Variants in PUS7L observed in about 807,000 individuals in gnomAD.
PUS7L encodes the protein pseudouridine synthase 7 like, also known as pseudouridylate synthase PUS7L.
Under a neutral mutation model 51.1 loss-of-function variants are expected in PUS7L, and 49 were observed. The ratio of observed to expected loss-of-function variants is 0.96; its 90% CI spans 0.76 to 1.22. The LOEUF is 1.22. PUS7L is among the 50% of genes most tolerant of loss of function. PUS7L has a pLI of 0.00. For missense variants in PUS7L, 828 were observed against 820.6 expected, an observed-to-expected ratio of 1.01 and a Z score of -0.11; for synonymous variants, 277 against 276.2, an observed-to-expected ratio of 1.00 and a Z score of -0.03.
chr12:43,754,344 A>G lies in PUS7L; in HGVS notation c.902T>C (p.Ile301Thr). 5.0e-6 allele frequency: 8 copies of G among 1,585,682 alleles called. No individual in the cohort carries two copies. Among genetic ancestry groups the G allele is most frequent in the Non-Finnish European group, 6.9e-6 (8 of 1,167,174 alleles). The part of the protein sequence containing the change: ...PLSECQEGKV[I>T]YTAFTLRKEN... ...ATGATTTATTAAATTACCTGTATAT[A>G]TAACTTTTCCTTCTTGGCATTCAGA... Residue 301 changes from isoleucine (I) to threonine (T), a missense_variant, in exon 2 of 9, where the codon ATA becomes ACA. Ile to Thr is a moderately conservative substitution (Grantham distance 89). Coordinates refer to ENST00000344862, the MANE Select transcript of PUS7L (RefSeq NM_031292.5).
At chr12:43,748,860 A>G (rs1326975990) in intron 2 of PUS7L, among the ~76,000 whole-genome samples, 1 of 151,928 alleles carries the variant, frequency 6.6e-6, no homozygotes, top group Admixed American at 6.6e-5. Context: ...AGTACCTGGG[A>G]CTACAGGTAC....
rs768295361 is a variant in PUS7L, at chr12:43,742,507, T to G, written c.1312A>C (p.Arg438=). ...CCAATTTGGTCTGTGTGAACTTTCC[T>G]TCCCTTCCCAAATCTCTGTGGTCCA... ...YYGPQRFGKG[R]KVHTDQIGLA... The change falls in exon 5 of 9, where the codon AGG becomes CGG. Residue 438 remains arginine, a synonymous_variant. Transcript: ENST00000344862. The G allele has an allele frequency of 1.2e-6, 2 of 1,610,258 alleles. No homozygotes were observed. The highest frequency in any genetic ancestry group is 1.7e-5 in the Admixed American group (1 of 58,910).
chr12:43,753,517 A>G (rs1170580104), intron 2 of PUS7L, among the ~76,000 whole-genome samples: 18 of 152,178 alleles, frequency 1.2e-4, no homozygotes, highest in Non-Finnish European at 1.5e-5. Flanking sequence ...GTGCAAATTT[A>G]GGTTCCTGGT....
intron 2 of PUS7L, 74 bp from the exon 3 acceptor site, chr12:43,748,683 T>C: frequency 8.7e-7 from 1 of 1,152,262 alleles, no homozygotes; most frequent in East Asian, 2.4e-5. Context: ...GCTAACAGAT[T>C]AGTATAATAA....
chr12:43,734,402 C>T (rs752807901), intron 7 of PUS7L, among the ~76,000 whole-genome samples: 36 of 151,994 alleles, frequency 2.4e-4, no homozygotes, highest in Non-Finnish European at 4.4e-4. Flanking sequence ...ACACTTAAGT[C>T]CCAAATACAG....
rs747617415 is a variant in PUS7L at position 43,742,533 on chromosome 12, T to C, written c.1286A>G (p.Tyr429Cys). ...TCCCTTCCCAAATCTCTGTGGTCCA[T>C]AGTAATTCACAAAGCCTTTTTTCTA... ...NVKKKGFVNY[Y>C]GPQRFGKGRK... Residue 429 changes from tyrosine (Y) to cysteine (C), a missense_variant, in exon 5 of 9, where the codon TAT (tyrosine) becomes TGT (cysteine). By Grantham distance (194) the Tyr-to-Cys change is radical. Coordinates refer to ENST00000344862, the MANE Select transcript of PUS7L (RefSeq NM_031292.5). 33 of 1,607,198 alleles carry C rather than the reference T, an allele frequency of 2.1e-5. No homozygotes were observed. Among genetic ancestry groups the C allele is most frequent in the South Asian group, 8.9e-5 (8 of 90,088 alleles).
intron 5 of PUS7L, chr12:43,741,127 A>C (rs1337864627): frequency 6.6e-6 from 1 of 152,186 alleles, no homozygotes; most frequent in Admixed American, 6.5e-5. Flanking sequence ...ACTAAAGCAA[A>C]ATTTTTTAAA....
chr12:43,748,193 T>A (rs963083583), intron 3 of PUS7L, among the ~76,000 whole-genome samples: 2 of 152,212 alleles, frequency 1.3e-5, no homozygotes, highest in East Asian at 1.9e-4. Flanking sequence ...AACAAAAAAA[T>A]TTGTAAAATT....
In PUS7L at chr12:43,720,544, G is replaced by A. The variant is rs1222850209; in HGVS notation, c.*9832C>T. 1 of 152,164 alleles carries A rather than the reference G, an allele frequency of 6.6e-6. No homozygotes were observed. The highest frequency in any genetic ancestry group is 2.4e-5 in the African/African-American group (1 of 41,434). 9.4% of individuals were successfully genotyped at this position (152,164 alleles called of 1,614,324 possible). On this transcript the variant is annotated 3_prime_UTR_variant, in exon 9 of 9. Transcript: ENST00000344862. ...ATAGAGATTTTCCTGTTATCTTTTTGTTGTTCATTTCTAGCCTAATTGTGT... is the reference window on the plus strand; with the variant it reads ...ATAGAGATTTTCCTGTTATCTTTTTATTGTTCATTTCTAGCCTAATTGTGT...
At chr12:43,741,995 G>A (rs186868998) in intron 5 of PUS7L, among the ~76,000 whole-genome samples, 97 of 152,054 alleles carry the variant, frequency 6.4e-4, no homozygotes, top group Middle Eastern at 3.4e-3. Context: ...ACACACATAC[G>A]CTTTTAATAT....
Position 43,736,641 on chromosome 12 carries a change from A to C in PUS7L, c.1465T>G (p.Ser489Ala), listed in dbSNP as rs773202335. 11 of 1,613,822 alleles carry C rather than the reference A, an allele frequency of 6.8e-6. No homozygotes were observed. The highest frequency in any genetic ancestry group is 8.5e-6 in the Non-Finnish European group (10 of 1,179,790). Reference protein sequence around the residue: ...LQTEDAKGTLSLMPEFKVRER... With the variant: ...LQTEDAKGTLALMPEFKVRER... The stretch of plus-strand genomic sequence containing the variant: ...CGCACTTTGAATTCAGGCATCAATG[A>C]AAGTGTGCCTTTAGCATCCTCTGAA... The change falls in exon 7 of 9, where the codon TCA (serine) becomes GCA (alanine). Residue 489 changes from serine to alanine, a missense_variant. Physicochemically the swap from Ser to Ala is moderately conservative, Grantham distance 99. Coordinates refer to ENST00000344862, the MANE Select transcript of PUS7L (RefSeq NM_031292.5).
intron 4 of PUS7L, among the ~76,000 whole-genome samples, chr12:43,743,123 T>C (rs1937987546): frequency 6.6e-6 from 1 of 152,138 alleles, no homozygotes; most frequent in Admixed American, 6.5e-5. Flanking sequence ...CAGTCTGTAT[T>C]CCAGGGGAAG....
At chr12:43,748,121 G>A (rs971644081) in intron 3 of PUS7L, among the ~76,000 whole-genome samples, 3 of 152,066 alleles carry the variant, frequency 2.0e-5, no homozygotes, top group Admixed American at 6.5e-5. Context: ...TAGGCTTACC[G>A]GTAACTTCAT....
chr12:43,732,959 A>G (rs568223649), intron 7 of PUS7L, among the ~76,000 whole-genome samples: 3 of 152,352 alleles, frequency 2.0e-5, no homozygotes, highest in East Asian at 1.9e-4. Flanking sequence ...TCACAGAGTC[A>G]TAAGTATACC....
intron 1 of PUS7L, among the ~76,000 whole-genome samples, chr12:43,755,946 A>T (rs1234736587): frequency 1.3e-5 from 2 of 152,178 alleles, no homozygotes; most frequent in Admixed American, 1.3e-4. Flanking sequence ...TATGCAAGAG[A>T]ATAGTACTCT....
At chr12:43,749,264 T>C (rs1938326511) in intron 2 of PUS7L, among the ~76,000 whole-genome samples, 5 of 152,188 alleles carry the variant, frequency 3.3e-5, no homozygotes. Context: ...CCTTCAACAG[T>C]TTTGTACTTT....
intron 4 of PUS7L, among the ~76,000 whole-genome samples, chr12:43,745,547 T>C (rs888306286): frequency 6.6e-6 from 1 of 152,214 alleles, no homozygotes; most frequent in Non-Finnish European, 1.5e-5. Flanking sequence ...CCACCATGAT[T>C]ATGAATTTCC....
Position 43,727,490 on chromosome 12 carries a change from A to C in PUS7L, c.*2886T>G, listed in dbSNP as rs979574825. On this transcript the variant is annotated 3_prime_UTR_variant, in exon 9 of 9. Transcript: ENST00000344862. ...AAATGTAGTACATGTATACCAGATAATACTACACAGTCATAAAAAAGAACA... is the reference window on the plus strand; with the variant it reads ...AAATGTAGTACATGTATACCAGATACTACTACACAGTCATAAAAAAGAACA... 1.3e-5 allele frequency: 2 copies of C among 152,222 alleles called. No individual in the cohort carries two copies. The highest frequency in any genetic ancestry group is 2.9e-5 in the Non-Finnish European group (2 of 68,032). 9.4% of individuals were successfully genotyped at this position (152,222 alleles called of 1,614,324 possible).
chr12:43,730,723 A>T, intron 8 of PUS7L, 21 bp from the exon 9 acceptor site: 1 of 1,464,784 alleles, frequency 6.8e-7, no homozygotes. Flanking sequence ...AAAGAGGGAA[A>T]AAATATGAAA....
Sources: allele counts gnomAD v4.1 joint callset (sites outside exome capture counted in the v4.1 genomes callset), GRCh38; gene constraint gnomAD v4.1.1; transcripts MANE v1.5; gene names NCBI Gene and HGNC (gene_info 2026-07-23, HGNC 2026-07-21).